The following BBS9 variants were observed in gnomAD, a reference collection of about 807,000 sequenced individuals.
The protein encoded by BBS9 is Bardet-Biedl syndrome 9.
Under a neutral mutation model 117.7 loss-of-function variants are expected in BBS9, and 89 were observed. The ratio of observed to expected loss-of-function variants is 0.76; its 90% confidence interval spans 0.64 to 0.90. The LOEUF (loss-of-function observed/expected upper bound fraction) is 0.90. Ranked by LOEUF, BBS9 falls within the 40% of genes least tolerant of loss-of-function variation. The probability of loss-of-function intolerance (pLI) is 0.00; values close to 1 mark genes in which losing one functional copy is unlikely to be tolerated. For synonymous variants in BBS9, 379 were observed against 370.9 expected (o/e 1.02, Z -0.25); for missense variants, 982 against 1,042.2 (o/e 0.94, Z 0.80).
intron 5 of BBS9, among the ~76,000 whole-genome samples, chr7:33,244,211 C>G (rs146383087): frequency 4.0e-4 from 61 of 152,294 alleles, no homozygotes; most frequent in African/African-American, 1.3e-3. Context: ...GCCTGGGTGA[C>G]AGAGTGAGAC....
At chr7:33,597,982 C>A (rs547213380) in intron 21 of BBS9, among the ~76,000 whole-genome samples, 1 of 151,894 alleles carries the variant, frequency 6.6e-6, no homozygotes. Flanking sequence ...TGCTCACAGT[C>A]GGCCTCAGCA....
At chr7:33,145,828 A>G (rs1190811976) in intron 1 of BBS9, among the ~76,000 whole-genome samples, 1 of 152,206 alleles carries the variant, frequency 6.6e-6, no homozygotes, top group Non-Finnish European at 1.5e-5. Flanking sequence ...CCAATCTTCC[A>G]CAGGTACAAA....
chr7:33,299,150 T>G (rs1214438193), intron 9 of BBS9, among the ~76,000 whole-genome samples: 1 of 152,214 alleles, frequency 6.6e-6, no homozygotes, highest in Non-Finnish European at 1.5e-5. Flanking sequence ...CATTGCTGGC[T>G]GTATTTGGTC....
At chr7:33,601,216 C>G (rs1307582717) in intron 21 of BBS9, among the ~76,000 whole-genome samples, 1 of 152,146 alleles carries the variant, frequency 6.6e-6, no homozygotes, top group Non-Finnish European at 1.5e-5. Flanking sequence ...AAGTCTCCTG[C>G]CCTCCTCGAG....
chr7:33,305,589 G>A (rs763579017), intron 9 of BBS9, among the ~76,000 whole-genome samples: 1 of 152,024 alleles, frequency 6.6e-6, no homozygotes, highest in African/African-American at 2.4e-5. Flanking sequence ...CTCGTTACTC[G>A]ATATTGATAT....
chr7:33,243,020 G>A (rs1266227887), intron 5 of BBS9: 13 of 516,962 alleles, frequency 2.5e-5, no homozygotes, highest in Admixed American at 1.2e-4. Context: ...AATTCTTGAC[G>A]TTCCCAAGTT....
chr7:33,348,801 C>G (rs1228919749), intron 12 of BBS9, among the ~76,000 whole-genome samples: 1 of 152,110 alleles, frequency 6.6e-6, no homozygotes, highest in Admixed American at 6.5e-5. Context: ...GTTTGTATCT[C>G]CTTCATAACT....
At chr7:33,142,112 G>A (rs1017980211) in intron 1 of BBS9, among the ~76,000 whole-genome samples, 3 of 151,964 alleles carry the variant, frequency 2.0e-5, no homozygotes, top group Admixed American at 6.6e-5. Context: ...TAGTAGAGAC[G>A]GGGTTTCACC....
intron 5 of BBS9, among the ~76,000 whole-genome samples, chr7:33,229,531 C>G (rs1344302799): frequency 6.6e-6 from 1 of 152,048 alleles, no homozygotes; most frequent in Non-Finnish European, 1.5e-5. Context: ...GCATAATATC[C>G]TCCATGTTGA....
intron 19 of BBS9, among the ~76,000 whole-genome samples, chr7:33,449,787 G>T (rs1296230335): frequency 6.6e-6 from 1 of 152,136 alleles, no homozygotes; most frequent in Non-Finnish European, 1.5e-5. Context: ...GAAACAAATT[G>T]TATCATTCTT....
chr7:33,504,408 A>G (rs1845862550), intron 19 of BBS9, among the ~76,000 whole-genome samples: 1 of 152,142 alleles, frequency 6.6e-6, no homozygotes, highest in Admixed American at 6.6e-5. Flanking sequence ...TTGGGAGACC[A>G]CACAGCTGTA....
At chr7:33,426,350 C>T (rs1250851348) in intron 19 of BBS9, among the ~76,000 whole-genome samples, 1 of 152,262 alleles carries the variant, frequency 6.6e-6, no homozygotes, top group Admixed American at 6.5e-5. Flanking sequence ...TACAGAGGGA[C>T]TCTGTAATGT....
intron 11 of BBS9, among the ~76,000 whole-genome samples, chr7:33,343,754 C>T (rs1816993851): frequency 6.6e-6 from 1 of 152,102 alleles, no homozygotes; most frequent in South Asian, 2.1e-4. Context: ...CTGCTTCGGC[C>T]TCCCAAAGTG....
intron 19 of BBS9, among the ~76,000 whole-genome samples, chr7:33,468,794 A>G (rs1840547661): frequency 1.3e-5 from 2 of 152,188 alleles, no homozygotes; most frequent in African/African-American, 4.8e-5. Flanking sequence ...TTTCAATTTA[A>G]TGTCCCCCCA....
chr7:33,249,685 G>C (rs1211963547), intron 5 of BBS9, among the ~76,000 whole-genome samples: 2 of 152,030 alleles, frequency 1.3e-5, no homozygotes, highest in Admixed American at 1.3e-4. Context: ...AAATTCTGTT[G>C]AAATCTCCTA....
rs1186964481 is a variant in BBS9, at chr7:33,597,690, T to C, written c.2522-7175T>C. ...AAGATCTTCCTGCAAAAAAAAAATG[T>C]GTTATTGAGAAAGCCCTGGTGCGAT... On this transcript the variant is annotated intron_variant, in intron 21 of 22. Coordinates refer to ENST00000242067, the MANE Select transcript of BBS9 (RefSeq NM_198428.3). 7.3e-5 allele frequency among the ~76,000 whole-genome samples: 11 copies of C among 151,320 alleles called. No individual in the cohort carries two copies. The South Asian group carries it at 1.5e-3, about 20-fold the overall frequency.
intron 9 of BBS9, among the ~76,000 whole-genome samples, chr7:33,285,602 C>A (rs951308404): frequency 5.3e-5 from 8 of 152,020 alleles, no homozygotes; most frequent in Non-Finnish European, 1.2e-4. Context: ...GAGATGACCC[C>A]TAGATATTAT....
At chr7:33,214,813 C>T (rs185763737) in intron 5 of BBS9, among the ~76,000 whole-genome samples, 5 of 152,290 alleles carry the variant, frequency 3.3e-5, no homozygotes, top group Admixed American at 1.3e-4. Flanking sequence ...TGTCAAAATA[C>T]TGATATTATT....
intron 21 of BBS9, among the ~76,000 whole-genome samples, chr7:33,627,429 T>C (rs929273528): frequency 6.6e-6 from 1 of 152,222 alleles, no homozygotes; most frequent in Non-Finnish European, 1.5e-5. Flanking sequence ...AAATGTGGGC[T>C]TGGAGCCCCC....
Sources: allele counts gnomAD v4.1 joint callset (sites outside exome capture counted in the v4.1 genomes callset), GRCh38; gene constraint gnomAD v4.1.1; transcripts MANE v1.5; gene names NCBI Gene and HGNC (gene_info 2026-07-23, HGNC 2026-07-21).